KNDC1: variants seen among roughly 807,000 people sequenced by gnomAD.
The protein encoded by KNDC1 is kinase non-catalytic C-lobe domain-containing protein 1.
KNDC1 carries 106 observed loss-of-function variants against 172.8 expected under a neutral mutation model. The observed-to-expected ratio is 0.61, with a 90% CI of 0.52 to 0.72. The LOEUF is 0.72. Among genes scored for constraint, KNDC1 ranks in the 30% least tolerant of loss-of-function variants. KNDC1 has a pLI of 0.00. For synonymous variants in KNDC1, 1,083 were observed against 1,062.2 expected, an observed-to-expected ratio of 1.02 and a Z score of -0.38; for missense variants, 2,325 against 2,394.5, an observed-to-expected ratio of 0.97 and a Z score of 0.61.
At chr10:133,212,290 C>T (rs1349852080) in intron 23 of KNDC1, among the ~76,000 whole-genome samples, 1 of 151,826 alleles carries the variant, frequency 6.6e-6, no homozygotes, top group Non-Finnish European at 1.5e-5. Flanking sequence ...TCCACACACA[C>T]ACGCATGCAC....
intron 15 of KNDC1, 37 bp from the exon 16 acceptor site, chr10:133,200,338 G>C (rs754738883): frequency 6.6e-7 from 1 of 1,504,422 alleles, no homozygotes; most frequent in Non-Finnish European, 9.0e-7. Flanking sequence ...CCTCCCAGTG[G>C]GCGGAGGTGG....
intron 3 of KNDC1, among the ~76,000 whole-genome samples, chr10:133,171,993 T>A (rs1443615989): frequency 2.0e-5 from 3 of 152,242 alleles, no homozygotes; most frequent in Admixed American, 6.5e-5. Context: ...AACTTACAGA[T>A]TCTTTTAGTT....
At chr10:133,195,874 T>A (rs913227433) in intron 10 of KNDC1, 53 bp downstream of exon 10, 6 of 1,436,198 alleles carry the variant, frequency 4.2e-6, no homozygotes, top group Non-Finnish European at 5.5e-6. Context: ...CTGTGGGCAG[T>A]GGCCGCCCTC....
At chr10:133,185,402 G>T in intron 5 of KNDC1, among the ~76,000 whole-genome samples, 2 of 145,924 alleles carry the variant, frequency 1.4e-5, no homozygotes, top group African/African-American at 2.5e-5. Flanking sequence ...GTGTGGAGTA[G>T]GCAGTGTGTG....
intron 5 of KNDC1, 115 bp downstream of exon 5, chr10:133,184,104 C>T: frequency 1.7e-6 from 1 of 576,280 alleles, no homozygotes; most frequent in Non-Finnish European, 3.0e-6. Flanking sequence ...TGCACACACA[C>T]CCATACTGCA....
chr10:133,215,173 C>T (rs966080766), intron 26 of KNDC1, among the ~76,000 whole-genome samples: 1 of 152,208 alleles, frequency 6.6e-6, no homozygotes, highest in Non-Finnish European at 1.5e-5. Context: ...TCTCTGAAAG[C>T]AAACTTGAGC....
intron 17 of KNDC1, chr10:133,202,292 CA>C (rs775791523): frequency 1.6e-5 from 8 of 502,788 alleles, no homozygotes; most frequent in South Asian, 1.1e-4. Context: ...AAGAAAACAC[CA>C]AAAACGCCTG....
rs1853041232 is a variant in KNDC1, at chr10:133,163,403, G to A, written c.102+2834G>A. Among the ~76,000 whole-genome samples, 1 of 152,150 alleles carries A rather than the reference G, an allele frequency of 6.6e-6. No homozygotes were observed. Among genetic ancestry groups the A allele is most frequent in the Non-Finnish European group, 1.5e-5 (1 of 68,018 alleles). ...TCCCTGGAGGGGCACACAGCTGGGGGCTCCCAGTAAAGAAGAGGACGTCCC... is the reference window on the plus strand; with the variant it reads ...TCCCTGGAGGGGCACACAGCTGGGGACTCCCAGTAAAGAAGAGGACGTCCC... On this transcript the variant is annotated intron_variant, in intron 1 of 29. Coordinates refer to ENST00000304613, the MANE Select transcript of KNDC1 (RefSeq NM_152643.8). This position sits in a 1 kb window ranked among gnomAD's most constrained non-coding sequence, Gnocchi z 4.4.
rs1479945688 is a variant in KNDC1, at chr10:133,163,875, C to G, written c.102+3306C>G. On this transcript the variant is annotated intron_variant, in intron 1 of 29. Transcript: ENST00000304613. The surrounding 1 kb of genome is among the most constrained non-coding windows in gnomAD (Gnocchi z 4.4). Reference sequence around the variant, plus strand: ...GCCCAGTCCCGGGGGTTCATGTCCACCTGCCTTCCCAAATCCCTCCTCCCA... The same window carrying G: ...GCCCAGTCCCGGGGGTTCATGTCCAGCTGCCTTCCCAAATCCCTCCTCCCA... Among the ~76,000 whole-genome samples, 1 of 148,464 alleles carries G rather than the reference C, an allele frequency of 6.7e-6. No homozygotes were observed. Among genetic ancestry groups the G allele is most frequent in the Non-Finnish European group, 1.5e-5 (1 of 66,296 alleles).
Position 133,212,001 on chromosome 10 carries a change from G to A in KNDC1, c.4236+143G>A, listed in dbSNP as rs150734925. 5.2e-4 allele frequency: 396 copies of A among 755,924 alleles called. 1 individual carries two copies. The African/African-American group carries it at 6.1e-3, about 12-fold the overall frequency. The allele number at this position is 755,924 out of a possible 1,614,324, so 46.8% of individuals were successfully genotyped here. On this transcript the variant is annotated intron_variant, in intron 23 of 29. Transcript: ENST00000304613. ...GCTGTATACATGCATACACATAGACGTGTGCACATACACTTGTGTGCACAT... is the reference window on the plus strand; with the variant it reads ...GCTGTATACATGCATACACATAGACATGTGCACATACACTTGTGTGCACAT...
At chr10:133,202,613 C>T (rs1046335296) in intron 17 of KNDC1, 10 of 456,518 alleles carry the variant, frequency 2.2e-5, no homozygotes, top group African/African-American at 8.0e-5. Context: ...GCTGAGCCAC[C>T]GTGGGAAGCC....
chr10:133,189,871 G>GT, intron 9 of KNDC1, 58 bp downstream of exon 9: 1 of 1,229,520 alleles, frequency 8.1e-7, no homozygotes, highest in Non-Finnish European at 1.1e-6. Flanking sequence ...GGGATGCCAC[G>GT]TCCCCCATCT....
chr10:133,184,095 GCACA>G (rs1326890992), intron 5 of KNDC1, 106 bp downstream of exon 5: 14 of 590,266 alleles, frequency 2.4e-5, no homozygotes, highest in Non-Finnish European at 3.5e-5. Context: ...CACACACACT[GCACA>G]CACACCCATA....
Position 133,198,691 on chromosome 10 carries a change from C to T in KNDC1, c.2183C>T (p.Thr728Met), listed in dbSNP as rs566345817. 24 of 1,583,014 alleles carry T rather than the reference C, an allele frequency of 1.5e-5. No homozygotes were observed. The highest frequency in any genetic ancestry group is 2.7e-5 in the African/African-American group (2 of 74,646). The part of the protein sequence containing the change: ...EAHAGSPSLK[T>M]PDGPVPGPGP... ...CACGCTGGGTCCCCCAGCCTGAAGA[C>T]GCCTGACGGGCCGGTGCCTGGTCCG... Residue 728 changes from threonine (T) to methionine (M), a missense_variant, in exon 14 of 30, where the codon ACG becomes ATG. By Grantham distance (81) the Thr-to-Met change is moderately conservative (BLOSUM62 -1). Coordinates refer to ENST00000304613, the MANE Select transcript of KNDC1 (RefSeq NM_152643.8).
chr10:133,215,546 G>A (rs1224699473), intron 26 of KNDC1, among the ~76,000 whole-genome samples: 1 of 152,370 alleles, frequency 6.6e-6, no homozygotes. Flanking sequence ...TCACCATATC[G>A]TGAGGGACAT....
chr10:133,182,166 G>A (rs1342249746), intron 3 of KNDC1, among the ~76,000 whole-genome samples: 1 of 152,174 alleles, frequency 6.6e-6, no homozygotes, highest in East Asian at 1.9e-4. Flanking sequence ...CGGGATGCAG[G>A]GCTTTCTGTG....
chr10:133,201,423 C>T (rs1003379259), intron 16 of KNDC1, 78 bp from the exon 17 acceptor site: 131 of 1,449,886 alleles, frequency 9.0e-5, no homozygotes, highest in Non-Finnish European at 1.0e-4. Context: ...CAAGCACCAC[C>T]GGCCTCCCAT....
At chr10:133,197,255 C>T (rs952090930) in intron 11 of KNDC1, 120 bp downstream of exon 11, 7 of 768,618 alleles carry the variant, frequency 9.1e-6, no homozygotes, top group African/African-American at 1.7e-5. Flanking sequence ...TGTTGACCAC[C>T]GAGCTGTGGG....
At chr10:133,207,670 G>A (rs1845242992) in intron 20 of KNDC1, among the ~76,000 whole-genome samples, 1 of 152,222 alleles carries the variant, frequency 6.6e-6, no homozygotes, top group South Asian at 2.1e-4. Context: ...CAGGCAGCTC[G>A]GCGATGTGGC....
Sources: allele counts gnomAD v4.1 joint callset (sites outside exome capture counted in the v4.1 genomes callset), GRCh38; gene constraint gnomAD v4.1.1; non-coding constraint Gnocchi (gnomAD v3.1); transcripts MANE v1.5; gene names NCBI Gene and HGNC (gene_info 2026-07-23, HGNC 2026-07-21).